Variants in ARL1 observed in about 807,000 individuals in gnomAD.
ARL1 encodes the protein ARF like GTPase 1.
In ARL1, 17 loss-of-function variants were observed where a neutral mutation model predicts 30.1. That is an observed-to-expected ratio of 0.56 (90% confidence interval 0.39 to 0.85). The LOEUF is 0.85. ARL1 is among the 40% of genes least tolerant of loss of function. The pLI is 0.00. For missense variants in ARL1, 102 were observed against 212.6 expected, an observed-to-expected ratio of 0.48 and a Z score of 3.24; for synonymous variants, 58 against 71.7, an observed-to-expected ratio of 0.81 and a Z score of 0.97.
In ARL1 at chr12:101,395,367, T is replaced by C; in HGVS notation, c.*273A>G. On this transcript the variant is annotated 3_prime_UTR_variant, in exon 6 of 6. Transcript: ENST00000261636. The stretch of plus-strand genomic sequence containing the variant: ...GAGTATACTCTTTAATAGAACTGTA[T>C]TTGAATAAGAATTCCATACAAATAG... 5.6e-6 allele frequency: 2 copies of C among 354,660 alleles called. No homozygotes were observed. Among genetic ancestry groups the C allele is most frequent in the Non-Finnish European group, 1.0e-5 (2 of 198,278 alleles). 22.0% of individuals were successfully genotyped at this position (354,660 alleles called of 1,614,324 possible).
intron 1 of ARL1, chr12:101,407,233 A>G (rs1871469915): frequency 4.3e-6 from 1 of 230,770 alleles, no homozygotes; most frequent in African/African-American, 2.3e-5. Context: ...TTAAGCTTCC[A>G]CTCTGGGGCC....
intron 3 of ARL1, among the ~76,000 whole-genome samples, chr12:101,402,008 G>A (rs1311768266): frequency 1.3e-5 from 2 of 151,954 alleles, no homozygotes; most frequent in African/African-American, 2.4e-5. Flanking sequence ...AAAAAGAAAC[G>A]TGATTCAAGA....
At chr12:101,404,757 G>A (rs1871395182) in intron 2 of ARL1, among the ~76,000 whole-genome samples, 1 of 152,132 alleles carries the variant, frequency 6.6e-6, no homozygotes, top group South Asian at 2.1e-4. Context: ...AATGAAAAAA[G>A]TATAAATAAC....
intron 3 of ARL1, among the ~76,000 whole-genome samples, chr12:101,402,391 G>A (rs1224768127): frequency 2.0e-5 from 3 of 152,172 alleles, no homozygotes; most frequent in Non-Finnish European, 4.4e-5. Context: ...GTTTCACCAT[G>A]TTGGTCAGGC....
intron 1 of ARL1, among the ~76,000 whole-genome samples, chr12:101,406,620 TA>T (rs1237861923): frequency 6.6e-6 from 1 of 152,000 alleles, no homozygotes; most frequent in African/African-American, 2.4e-5. Flanking sequence ...TAGAGAAGAT[TA>T]AAAACAAGTT....
At chr12:101,396,617 G>A (rs751776862) in intron 4 of ARL1, 40 bp from the exon 5 acceptor site, 2 of 1,541,342 alleles carry the variant, frequency 1.3e-6, no homozygotes, top group Non-Finnish European at 1.8e-6. Flanking sequence ...TTTAACTAAT[G>A]TGCTCTCTCG....
intron 2 of ARL1, chr12:101,403,377 ATAGAG>A (rs1871355359): frequency 9.9e-6 from 3 of 302,240 alleles, no homozygotes; most frequent in South Asian, 9.2e-5. Flanking sequence ...TCCCCTCATA[ATAGAG>A]TAGTTAAAAG....
At chr12:101,400,425 A>T (rs2121114634) in intron 4 of ARL1, 1 of 152,294 alleles carries the variant, frequency 6.6e-6, no homozygotes, top group African/African-American at 2.4e-5. Context: ...AAAGAAAAAA[A>T]AGAAACAATA....
At chr12:101,402,829 C>CA in intron 3 of ARL1, 36 bp downstream of exon 3, 1 of 1,445,980 alleles carries the variant, frequency 6.9e-7, no homozygotes, top group South Asian at 1.2e-5. Context: ...CAATAAATGT[C>CA]AAATACTACC....
At chr12:101,397,503 T>C (rs1871182612) in intron 4 of ARL1, among the ~76,000 whole-genome samples, 1 of 151,740 alleles carries the variant, frequency 6.6e-6, no homozygotes, top group African/African-American at 2.4e-5. Context: ...TCTCTTTTTT[T>C]TTTTTCTTTT....
chr12:101,400,864 A>C (rs945044092), intron 4 of ARL1, among the ~76,000 whole-genome samples, 198 bp downstream of exon 4: 1 of 152,196 alleles, frequency 6.6e-6, no homozygotes, highest in African/African-American at 2.4e-5. Flanking sequence ...CTTGAAGAGG[A>C]AGTTACGAGG....
chr12:101,397,346 T>C (rs528914903), intron 4 of ARL1, among the ~76,000 whole-genome samples: 1 of 152,022 alleles, frequency 6.6e-6, no homozygotes, highest in South Asian at 2.1e-4. Flanking sequence ...AGTCCAGGAG[T>C]TGGAGACCAG....
intron 1 of ARL1, 52 bp from the exon 2 acceptor site, chr12:101,406,033 T>C (rs1198369584): frequency 2.1e-6 from 3 of 1,422,214 alleles, no homozygotes; most frequent in Non-Finnish European, 2.9e-6. Flanking sequence ...GTGAACTAGG[T>C]ATACAAAACA....
intron 4 of ARL1, 32 bp from the exon 5 acceptor site, chr12:101,396,609 T>C (rs773359188): frequency 1.1e-5 from 17 of 1,576,344 alleles, no homozygotes; most frequent in Non-Finnish European, 1.4e-5. Context: ...TAATTTCTTT[T>C]AACTAATGTG....
intron 2 of ARL1, among the ~76,000 whole-genome samples, chr12:101,405,189 G>A (rs542624653): frequency 1.8e-4 from 27 of 151,976 alleles, no homozygotes; most frequent in Admixed American, 4.6e-4. Context: ...ATATTTTTAA[G>A]GTACCAAATT....
chr12:101,396,917 C>T (rs955828971), intron 4 of ARL1, among the ~76,000 whole-genome samples: 1 of 152,134 alleles, frequency 6.6e-6, no homozygotes, highest in Non-Finnish European at 1.5e-5. Flanking sequence ...CTCCAAACTA[C>T]AACAACTTTT....
At chr12:101,398,704 C>CACTT in intron 4 of ARL1, among the ~76,000 whole-genome samples, 2 of 152,124 alleles carry the variant, frequency 1.3e-5, no homozygotes, top group African/African-American at 4.8e-5. Flanking sequence ...TCCCAAAGTG[C>CACTT]TGGGATTACA....
At chr12:101,399,539 A>T (rs1871247501) in intron 4 of ARL1, among the ~76,000 whole-genome samples, 1 of 147,148 alleles carries the variant, frequency 6.8e-6, no homozygotes, top group East Asian at 2.0e-4. Flanking sequence ...AAAAAAAAAA[A>T]GAATTCAAAA....
chr12:101,396,715 GAGAAGTATAAAGAAA>G, intron 4 of ARL1, 138 bp from the exon 5 acceptor site: 1 of 645,700 alleles, frequency 1.5e-6, no homozygotes, highest in Admixed American at 3.6e-5. Flanking sequence ...AAATTATATA[GAGAAGTATAAAGAAA>G]AGAAGCTTCA....
Sources: allele counts gnomAD v4.1 joint callset (sites outside exome capture counted in the v4.1 genomes callset), GRCh38; gene constraint gnomAD v4.1.1; transcripts MANE v1.5; gene names NCBI Gene and HGNC (gene_info 2026-07-23, HGNC 2026-07-21).